The following ATP13A5 variants were observed in gnomAD, a reference collection of about 807,000 sequenced individuals.
ATP13A5 encodes probable cation-transporting ATPase 13A5.
ATP13A5 carries 149 observed loss-of-function variants against 150.2 expected under a neutral mutation model. The ratio of observed to expected loss-of-function variants is 0.99; its 90% confidence interval spans 0.87 to 1.14. The LOEUF (loss-of-function observed/expected upper bound fraction) is 1.14, where lower values mean the gene tolerates loss of function less well. Among genes scored for constraint, ATP13A5 ranks in the 50% most tolerant of loss-of-function variants. The pLI is 0.00. For missense variants in ATP13A5, 1,383 were observed against 1,449.3 expected (o/e 0.95, Z 0.74); for synonymous variants, 497 against 522.2 (o/e 0.95, Z 0.66).
chr3:193,368,420 G>GTGTGTGTGTT (rs1183994882), intron 1 of ATP13A5, among the ~76,000 whole-genome samples: 1 of 151,724 alleles, frequency 6.6e-6, no homozygotes, highest in East Asian at 1.9e-4. Flanking sequence ...GTGTGTGTGT[G>GTGTGTGTGTT]TGGTAATTGA....
chr3:193,309,818 G>A (rs1718770529), intron 21 of ATP13A5, among the ~76,000 whole-genome samples: 1 of 152,154 alleles, frequency 6.6e-6, no homozygotes, highest in South Asian at 2.1e-4. Context: ...AGGCTGGTGA[G>A]AGATTTTTTT....
At chr3:193,299,644 A>G (rs1157449688) in intron 24 of ATP13A5, among the ~76,000 whole-genome samples, 1 of 152,178 alleles carries the variant, frequency 6.6e-6, no homozygotes, top group Non-Finnish European at 1.5e-5. Context: ...CTTGGAGTCC[A>G]TTCACTTTCA....
chr3:193,324,763 T>G, intron 14 of ATP13A5, 101 bp downstream of exon 14: 2 of 1,332,456 alleles, frequency 1.5e-6, no homozygotes, highest in Non-Finnish European at 2.1e-6. Flanking sequence ...ACATACATTA[T>G]TATGAACCTT....
chr3:193,307,657 T>C (rs770129744), intron 21 of ATP13A5, among the ~76,000 whole-genome samples: 43 of 152,202 alleles, frequency 2.8e-4, no homozygotes, highest in Non-Finnish European at 6.2e-4. Context: ...TGCTTGATGA[T>C]ACGCACCAAG....
intron 14 of ATP13A5, among the ~76,000 whole-genome samples, chr3:193,324,368 C>T (rs1032658358): frequency 6.6e-6 from 1 of 152,162 alleles, no homozygotes; most frequent in Non-Finnish European, 1.5e-5. Context: ...AATTCAGTTT[C>T]TCAGTTGCAG....
chr3:193,364,812 G>C (rs539104507), intron 1 of ATP13A5, among the ~76,000 whole-genome samples: 6 of 152,258 alleles, frequency 3.9e-5, no homozygotes, highest in African/African-American at 1.4e-4. Context: ...TTCTAAAACA[G>C]TATGTTGATG....
intron 5 of ATP13A5, among the ~76,000 whole-genome samples, chr3:193,357,610 A>C (rs145000330): frequency 1.1e-3 from 171 of 152,374 alleles, no homozygotes; most frequent in Non-Finnish European, 1.6e-3. Flanking sequence ...GGGAGCTGAC[A>C]TTCTGACCAG....
intron 23 of ATP13A5, among the ~76,000 whole-genome samples, chr3:193,304,241 A>G (rs1718522625): frequency 1.3e-5 from 2 of 152,206 alleles, no homozygotes; most frequent in African/African-American, 4.8e-5. Flanking sequence ...TCCAAGGAGT[A>G]GACTGTTCTT....
intron 16 of ATP13A5, 39 bp downstream of exon 16, chr3:193,321,641 CA>C: frequency 1.9e-6 from 3 of 1,604,518 alleles, no homozygotes; most frequent in Non-Finnish European, 2.6e-6. Context: ...AAAGAAAAAA[CA>C]AAAGTATTTT....
At chr3:193,320,714 C>G (rs1230651089) in intron 16 of ATP13A5, among the ~76,000 whole-genome samples, 1 of 152,084 alleles carries the variant, frequency 6.6e-6, no homozygotes, top group Admixed American at 6.6e-5. Context: ...TGATGGCCAT[C>G]AGCAATCATA....
intron 21 of ATP13A5, 108 bp from the exon 22 acceptor site, chr3:193,307,477 C>A: frequency 1.6e-6 from 2 of 1,277,322 alleles, no homozygotes; most frequent in Non-Finnish European, 2.2e-6. Flanking sequence ...ATGTGTGTGT[C>A]CCCTGAACAC....
chr3:193,374,647 A>ACG (rs34228432), intron 1 of ATP13A5, among the ~76,000 whole-genome samples: 71,950 of 148,348 alleles, frequency 0.49, 17,587 homozygotes, highest in South Asian at 0.56. Flanking sequence ...CATGACACAC[A>ACG]CACACACACA....
At chr3:193,320,838 T>C (rs541699931) in intron 16 of ATP13A5, among the ~76,000 whole-genome samples, 1 of 152,320 alleles carries the variant, frequency 6.6e-6, no homozygotes, top group African/African-American at 2.4e-5. Context: ...GTGCATATGT[T>C]TATAAGACTA....
chr3:193,366,337 T>C (rs1438922760), intron 1 of ATP13A5, among the ~76,000 whole-genome samples: 1 of 152,014 alleles, frequency 6.6e-6, no homozygotes, highest in Non-Finnish European at 1.5e-5. Context: ...AGACCTATCG[T>C]ATACTATTTA....
In ATP13A5 at chr3:193,299,211, A is replaced by G. The variant is rs767949138; in HGVS notation, c.2776-8T>C. On this transcript the variant is annotated splice_polypyrimidine_tract_variant and splice_region_variant and intron_variant, in intron 24 of 29. Transcript: ENST00000342358. ...TCCAAAGAGTTGTAGTTGCTGAAAA[A>G]GAAACAAAAGCAAATATAAATGTGG... The G allele has an allele frequency of 6.2e-7, 1 of 1,602,206 alleles. No individual in the cohort carries two copies. The highest frequency in any genetic ancestry group is 8.5e-7 in the Non-Finnish European group (1 of 1,173,170).
chr3:193,341,879 G>C (rs1394168705), intron 9 of ATP13A5, among the ~76,000 whole-genome samples: 1 of 152,222 alleles, frequency 6.6e-6, no homozygotes, highest in Non-Finnish European at 1.5e-5. Context: ...TTACCAAAAA[G>C]TGGATACTAT....
rs567950673 is a variant in ATP13A5 at position 193,337,955 on chromosome 3, G to A, written c.944-2856C>T. On this transcript the variant is annotated intron_variant, in intron 9 of 29. Coordinates refer to ENST00000342358, the MANE Select transcript of ATP13A5 (RefSeq NM_198505.4). ...CTTGAAGAGGTCCTTCACATCCCTT[G>A]TAAGTTGGATTCCTAGGTATTTTAT... Among the ~76,000 whole-genome samples the A allele has an allele frequency of 2.0e-5, 3 of 152,238 alleles. No individual in the cohort carries two copies. In the East Asian group the frequency reaches 5.8e-4, roughly 29 times the overall value.
chr3:193,276,196 T>C (rs1246355491), intron 29 of ATP13A5, among the ~76,000 whole-genome samples: 1 of 152,168 alleles, frequency 6.6e-6, no homozygotes, highest in Non-Finnish European at 1.5e-5. Flanking sequence ...TGAGTTAAAA[T>C]AAAACTCTCC....
chr3:193,347,372 TAA>T (rs61583907), intron 7 of ATP13A5, among the ~76,000 whole-genome samples: 10,444 of 152,134 alleles, frequency 0.069, 489 homozygotes, highest in East Asian at 0.18. Flanking sequence ...TGAAAAATGT[TAA>T]AGTAATCTTT....
Sources: allele counts gnomAD v4.1 joint callset (sites outside exome capture counted in the v4.1 genomes callset), GRCh38; gene constraint gnomAD v4.1.1; transcripts MANE v1.5; gene names NCBI Gene and HGNC (gene_info 2026-07-23, HGNC 2026-07-21).